Variants in ACTR3 observed in about 807,000 individuals in gnomAD.
ACTR3 encodes actin-related protein 3.
A neutral mutation model predicts 56.8 loss-of-function variants in ACTR3; 12 were observed. The ratio of observed to expected loss-of-function variants is 0.21; its 90% CI spans 0.14 to 0.34. The LOEUF (loss-of-function observed/expected upper bound fraction) is 0.34, where lower values mean the gene tolerates loss of function less well. Among genes scored for constraint, ACTR3 ranks in the 10% least tolerant of loss-of-function variants. The pLI is 1.00. For synonymous variants in ACTR3, 162 were observed against 167.4 expected (o/e 0.97, Z 0.25); for missense variants, 282 against 512.5 (o/e 0.55, Z 4.34).
chr2:113,910,705 A>G (rs1193236827), intron 1 of ACTR3, among the ~76,000 whole-genome samples: 3 of 152,202 alleles, frequency 2.0e-5, no homozygotes, highest in Non-Finnish European at 4.4e-5. Context: ...TGGTCCCAGA[A>G]GTCTTCTGTG....
intron 1 of ACTR3, among the ~76,000 whole-genome samples, chr2:113,891,567 C>T (rs148853100): frequency 7.1e-6 from 1 of 141,422 alleles, no homozygotes; most frequent in African/African-American, 2.9e-5. Context: ...AGAACACTCC[C>T]AGTTTTTTTT....
chr2:113,910,013 A>G (rs1002074986), intron 1 of ACTR3, among the ~76,000 whole-genome samples: 4 of 152,106 alleles, frequency 2.6e-5, no homozygotes, highest in Non-Finnish European at 4.4e-5. Context: ...TACAACTCCT[A>G]TAATTCTTAG....
At chr2:113,890,726 GC>G in intron 1 of ACTR3, 1 of 1,075,208 alleles carries the variant, frequency 9.3e-7, no homozygotes, top group Non-Finnish European at 1.1e-6. Context: ...GGACCCAGGG[GC>G]CGAGCTCGGG....
At chr2:113,942,746 A>T (rs1182015471) in intron 8 of ACTR3, among the ~76,000 whole-genome samples, 1 of 152,064 alleles carries the variant, frequency 6.6e-6, no homozygotes, top group Non-Finnish European at 1.5e-5. Flanking sequence ...TAAAATGACC[A>T]TTATACAAAG....
Position 113,959,472 on chromosome 2 carries a change from A to G in ACTR3, c.*2017A>G, listed in dbSNP as rs1042267484. 6.6e-6 allele frequency: 1 copy of G among 152,056 alleles called. No individual in the cohort carries two copies. Among genetic ancestry groups the G allele is most frequent in the African/African-American group, 2.4e-5 (1 of 41,436 alleles). The allele number at this position is 152,056 out of a possible 1,614,324, so 9.4% of individuals were successfully genotyped here. ...ATGTTTATAAAGCTATTTGATGACA[A>G]TCTCAGGCATATTTATACAGAGATG... On this transcript the variant is annotated 3_prime_UTR_variant, in exon 12 of 12. Coordinates refer to ENST00000263238, the MANE Select transcript of ACTR3 (RefSeq NM_005721.5).
intron 1 of ACTR3, among the ~76,000 whole-genome samples, chr2:113,898,799 C>A (rs1679052112): frequency 6.6e-6 from 1 of 151,942 alleles, no homozygotes; most frequent in Non-Finnish European, 1.5e-5. Flanking sequence ...GGATGTGTAC[C>A]AATCAGCCAT....
chr2:113,905,849 T>TCAA (rs3982222), intron 1 of ACTR3, among the ~76,000 whole-genome samples: 2 of 151,794 alleles, frequency 1.3e-5, no homozygotes, highest in South Asian at 2.1e-4. Flanking sequence ...TGAGGCTGAA[T>TCAA]AATATTCCAT....
intron 6 of ACTR3, 58 bp from the exon 7 acceptor site, chr2:113,939,901 G>A: frequency 1.3e-6 from 2 of 1,495,148 alleles, no homozygotes; most frequent in Non-Finnish European, 1.8e-6. Flanking sequence ...ATATTTTTGG[G>A]TTATATTAAT....
rs1680340168 is a variant in ACTR3 at position 113,962,418 on chromosome 2, T to G, written c.*4963T>G. On this transcript the variant is annotated 3_prime_UTR_variant, in exon 12 of 12. Coordinates refer to ENST00000263238, the MANE Select transcript of ACTR3 (RefSeq NM_005721.5). ...TGGCTTTTATTGATCAATTTTGATATTGTCCAGATCCCATGTTAAACCACT... is the reference window on the plus strand; with the variant it reads ...TGGCTTTTATTGATCAATTTTGATAGTGTCCAGATCCCATGTTAAACCACT... 6.6e-6 allele frequency: 1 copy of G among 152,044 alleles called. No homozygotes were observed. The highest frequency in any genetic ancestry group is 2.1e-4 in the South Asian group (1 of 4,834). The allele number at this position is 152,044 out of a possible 1,614,324, so 9.4% of individuals were successfully genotyped here. A position where few individuals can be genotyped will look rare whatever the true frequency, so the allele number is the denominator to read the frequency against.
intron 10 of ACTR3, chr2:113,953,022 C>G (rs1680146951): frequency 6.6e-6 from 1 of 152,126 alleles, no homozygotes; most frequent in Admixed American, 6.5e-5. Flanking sequence ...AGTGCATGTT[C>G]TGGTTTTTTT....
intron 8 of ACTR3, among the ~76,000 whole-genome samples, chr2:113,943,872 A>G (rs1475053655): frequency 6.6e-6 from 1 of 152,212 alleles, no homozygotes; most frequent in Non-Finnish European, 1.5e-5. Flanking sequence ...TGGGGCACAA[A>G]GGAAGAGGTT....
At chr2:113,895,128 ATC>A (rs1025881575) in intron 1 of ACTR3, among the ~76,000 whole-genome samples, 77 of 127,868 alleles carry the variant, frequency 6.0e-4, no homozygotes, top group Non-Finnish European at 1.1e-3. Flanking sequence ...CTTAAATTTA[ATC>A]TCTAGAAAAA....
intron 5 of ACTR3, 191 bp from the exon 6 acceptor site, chr2:113,934,088 A>T: frequency 1.9e-6 from 1 of 535,590 alleles, no homozygotes; most frequent in Non-Finnish European, 3.3e-6. Flanking sequence ...AGTTTGTCTT[A>T]ATAAAATGTA....
At chr2:113,895,897 T>G (rs956547581) in intron 1 of ACTR3, among the ~76,000 whole-genome samples, 2 of 152,202 alleles carry the variant, frequency 1.3e-5, no homozygotes, top group African/African-American at 4.8e-5. Flanking sequence ...GGGTCTCTGT[T>G]GCCCAAACTG....
intron 3 of ACTR3, among the ~76,000 whole-genome samples, chr2:113,923,422 C>G (rs148219909): frequency 6.6e-6 from 1 of 152,066 alleles, no homozygotes; most frequent in East Asian, 1.9e-4. Flanking sequence ...ACTGCAGCCT[C>G]GACTTCGGGT....
intron 1 of ACTR3, among the ~76,000 whole-genome samples, chr2:113,891,542 A>G (rs1413465807): frequency 6.7e-6 from 1 of 149,496 alleles, no homozygotes; most frequent in Non-Finnish European, 1.5e-5. Flanking sequence ...TGCTGATGAC[A>G]TCTCTCCAAT....
rs1265811766 is a variant in ACTR3, at chr2:113,916,931, A to C, written c.148A>C (p.Arg50=). 2 of 1,610,228 alleles carry C rather than the reference A, an allele frequency of 1.2e-6. No homozygotes were observed. Among genetic ancestry groups the C allele is most frequent in the Non-Finnish European group, 1.7e-6 (2 of 1,177,544 alleles). ...SAKVGDQAQR[R]VMKGVDDLDF... ...AAAAGTGGGTGATCAAGCTCAAAGG[A>C]GGGTGATGAAAGGTGTTGATGACCT... Residue 50 remains arginine (R), a synonymous_variant, in exon 3 of 12, where the codon AGG becomes CGG. Coordinates refer to ENST00000263238, the MANE Select transcript of ACTR3 (RefSeq NM_005721.5).
At chr2:113,953,650 AAAG>A (rs1401047035) in intron 10 of ACTR3, 1 of 151,892 alleles carries the variant, frequency 6.6e-6, no homozygotes, top group Non-Finnish European at 1.5e-5. Context: ...AGTTTTGAAA[AAAG>A]CCATATCATT....
At chr2:113,951,616 C>T in intron 9 of ACTR3, 45 bp downstream of exon 9, 1 of 1,549,868 alleles carries the variant, frequency 6.5e-7, no homozygotes, top group Non-Finnish European at 8.9e-7. Context: ...TTTAAAAAAA[C>T]TTAAACACCT....
Sources: allele counts gnomAD v4.1 joint callset (sites outside exome capture counted in the v4.1 genomes callset), GRCh38; gene constraint gnomAD v4.1.1; transcripts MANE v1.5; gene names NCBI Gene and HGNC (gene_info 2026-07-23, HGNC 2026-07-21).